Variants in PPP1R37 observed in about 807,000 individuals in gnomAD.
The protein encoded by PPP1R37 is leucine rich repeat containing 68.
Under a neutral mutation model 61.0 loss-of-function variants are expected in PPP1R37, and 21 were observed. That is an observed-to-expected ratio of 0.34 (90% CI 0.24 to 0.50). PPP1R37 has a LOEUF of 0.50. PPP1R37 is among the 20% of genes least tolerant of loss of function. PPP1R37 has a pLI of 0.98. For missense variants in PPP1R37, 910 were observed against 952.7 expected (o/e 0.96, Z 0.59); for synonymous variants, 443 against 433.5 (o/e 1.02, Z -0.27).
rs79127930 is a variant in PPP1R37 at position 45,120,480 on chromosome 19, C to T, written c.203-18034C>T. Reference sequence around the variant, plus strand: ...CGTGGATGAACTCTGGGGAGCTAGCCGGTCCCTGCTGGTGGATATTGTGGT... The same window carrying T: ...CGTGGATGAACTCTGGGGAGCTAGCTGGTCCCTGCTGGTGGATATTGTGGT... On this transcript the variant is annotated intron_variant, in intron 1 of 12. Coordinates refer to ENST00000221462, the MANE Select transcript of PPP1R37 (RefSeq NM_019121.2). 5.8e-3 allele frequency among the ~76,000 whole-genome samples: 890 copies of T among 152,312 alleles called. 11 individuals carry two copies. The highest frequency in any genetic ancestry group is 0.02 in the African/African-American group (841 of 41,562).
intron 1 of PPP1R37, among the ~76,000 whole-genome samples, chr19:45,107,550 G>A (rs1301674800): frequency 6.6e-6 from 1 of 152,210 alleles, no homozygotes; most frequent in East Asian, 1.9e-4. Flanking sequence ...GCTGCAATGA[G>A]CTGTGGTCTT....
At chr19:45,142,565 C>A in intron 7 of PPP1R37, 107 bp downstream of exon 7, 1 of 1,173,200 alleles carries the variant, frequency 8.5e-7, no homozygotes, top group Non-Finnish European at 1.2e-6. Flanking sequence ...ACCACCCCAA[C>A]GCTGTCCTGC....
In PPP1R37 at chr19:45,121,045, A is replaced by G. The variant is rs10409138; in HGVS notation, c.203-17469A>G. Among the ~76,000 whole-genome samples the G allele has an allele frequency of 0.15, 22,627 of 152,152 alleles. 1,973 individuals carry two copies. Among genetic ancestry groups the G allele is most frequent in the African/African-American group, 0.22 (9,122 of 41,464 alleles). On this transcript the variant is annotated intron_variant, in intron 1 of 12. Transcript: ENST00000221462. The surrounding 1 kb of genome is among the most constrained non-coding windows in gnomAD (Gnocchi z 4.2). Reference sequence around the variant, plus strand: ...GAGATAATTTCTATTTCTCAGGGCCATTAGGAAGTGGAAACGAGATCGAGT... The same window carrying G: ...GAGATAATTTCTATTTCTCAGGGCCGTTAGGAAGTGGAAACGAGATCGAGT...
In PPP1R37 at chr19:45,095,688, A is replaced by G. The variant is rs552001115; in HGVS notation, c.202+2161A>G. 5.0e-4 allele frequency among the ~76,000 whole-genome samples: 75 copies of G among 151,416 alleles called. 3 individuals carry two copies. In the South Asian group the frequency reaches 0.015, roughly 31 times the overall value. ...TGAAGTGGGAGGATCATTTGAGCCCAGGAGGTCGATAGTGCAGTGAACTGT... is the reference window on the plus strand; with the variant it reads ...TGAAGTGGGAGGATCATTTGAGCCCGGGAGGTCGATAGTGCAGTGAACTGT... On this transcript the variant is annotated intron_variant, in intron 1 of 12. Transcript: ENST00000221462.
At chr19:45,134,292 T>C (rs569461380) in intron 1 of PPP1R37, among the ~76,000 whole-genome samples, 1 of 152,238 alleles carries the variant, frequency 6.6e-6, no homozygotes, top group East Asian at 1.9e-4. Context: ...GCGTGAGCCA[T>C]GTGCCCAGTC....
At chr19:45,146,271 C>A in intron 11 of PPP1R37, 119 bp from the exon 12 acceptor site, 1 of 1,000,166 alleles carries the variant, frequency 1.0e-6, no homozygotes, top group Non-Finnish European at 1.5e-6. Context: ...TTGAGCCTGA[C>A]CATCTCAGCG....
In PPP1R37 at chr19:45,098,202, C is replaced by A. The variant is rs1260942890; in HGVS notation, c.202+4675C>A. Among the ~76,000 whole-genome samples the A allele has an allele frequency of 8.0e-5, 12 of 149,400 alleles. 1 individual carries two copies. Among genetic ancestry groups the A allele is most frequent in the Admixed American group, 7.3e-4 (11 of 15,168 alleles). On this transcript the variant is annotated intron_variant, in intron 1 of 12. Transcript: ENST00000221462. ...CGCTTCAGCACTGCCAGGCTGGGCA[C>A]GTGGGTGCCCGTGGGGAGCGAGCTA... is the stretch of plus-strand genomic sequence containing the variant.
chr19:45,128,023 C>T (rs1968430655), intron 1 of PPP1R37, among the ~76,000 whole-genome samples: 1 of 151,364 alleles, frequency 6.6e-6, no homozygotes, highest in Non-Finnish European at 1.5e-5. Context: ...ATGCTAATTA[C>T]CCTGACTCAA....
intron 1 of PPP1R37, chr19:45,128,596 G>C: frequency 7.9e-7 from 1 of 1,263,206 alleles, no homozygotes; most frequent in Non-Finnish European, 1.1e-6. Flanking sequence ...TTCGAGACAA[G>C]AGATGCAGGG....
chr19:45,104,025 C>CCTT (rs1398600606), intron 1 of PPP1R37, among the ~76,000 whole-genome samples: 1 of 152,100 alleles, frequency 6.6e-6, no homozygotes, highest in Admixed American at 6.5e-5. Flanking sequence ...CCTAGCACGC[C>CCTT]CCTCGCTAGT....
intron 1 of PPP1R37, among the ~76,000 whole-genome samples, chr19:45,126,012 G>A (rs543037229): frequency 1.2e-4 from 18 of 152,340 alleles, no homozygotes; most frequent in African/African-American, 3.6e-4. Context: ...GCTCCTTCCC[G>A]AGGGTGTGCA....
intron 4 of PPP1R37, 170 bp downstream of exon 4, chr19:45,140,776 A>G (rs1422511777): frequency 1.7e-6 from 1 of 604,962 alleles, no homozygotes; most frequent in Non-Finnish European, 2.9e-6. Context: ...ATATGACCAG[A>G]GTGGATGTGG....
At chr19:45,094,325 C>T (rs1967964103) in intron 1 of PPP1R37, among the ~76,000 whole-genome samples, 2 of 152,190 alleles carry the variant, frequency 1.3e-5, no homozygotes, top group South Asian at 2.1e-4. Context: ...CTACCGCCGC[C>T]TCCTCCTCCA....
At chr19:45,107,317 G>A (rs1599692118) in intron 1 of PPP1R37, among the ~76,000 whole-genome samples, 1 of 151,986 alleles carries the variant, frequency 6.6e-6, no homozygotes, top group East Asian at 1.9e-4. Flanking sequence ...TAAAAAAAAG[G>A]GGAGCCAGGC....
At chr19:45,140,004 C>G (rs748844384) in intron 2 of PPP1R37, among the ~76,000 whole-genome samples, 1 of 152,172 alleles carries the variant, frequency 6.6e-6, no homozygotes, top group Non-Finnish European at 1.5e-5. Flanking sequence ...CCCAGGCCTG[C>G]CTGGCTGCAG....
chr19:45,113,799 A>AG (rs1968231075), intron 1 of PPP1R37, among the ~76,000 whole-genome samples: 1 of 152,166 alleles, frequency 6.6e-6, no homozygotes, highest in African/African-American at 2.4e-5. Context: ...ATTTATCCCC[A>AG]GGTCTTCACT....
Position 45,145,709 on chromosome 19 carries a change from A to G in PPP1R37, c.1653A>G (p.Thr551=), listed in dbSNP as rs1360425853. The G allele has an allele frequency of 1.2e-5, 19 of 1,533,168 alleles. No individual in the cohort carries two copies. The highest frequency in any genetic ancestry group is 7.4e-5 in the East Asian group (3 of 40,774). The allele number at this position is 1,533,168 out of a possible 1,614,324, so 95.0% of individuals were successfully genotyped here. ...GDRSPPGSPS[T]PTEQRISVSS... ...GGAGTCCCCCAGGCAGCCCCTCCAC[A>G]CCCACCGAGCAGCGGATTTCCGTGT... The change falls in exon 11 of 13, where the codon ACA becomes ACG. Residue 551 remains threonine, a synonymous_variant. Transcript: ENST00000221462.
At chr19:45,122,211 G>T (rs1163670275) in intron 1 of PPP1R37, among the ~76,000 whole-genome samples, 2 of 152,154 alleles carry the variant, frequency 1.3e-5, no homozygotes, top group African/African-American at 4.8e-5. Flanking sequence ...GGCTGGCTCT[G>T]GGCTGAGCAC....
chr19:45,145,877 C>T lies in PPP1R37; in HGVS notation c.1821C>T (p.Ala607=), dbSNP rs779404720. ...SPPASPSLPP[A]GAIDTRDTGS... ...CCGCCTCACCTTCCCTACCACCAGCCGGGGCCATTGACACCCGGGACACAG... is the reference window on the plus strand; with the variant it reads ...CCGCCTCACCTTCCCTACCACCAGCTGGGGCCATTGACACCCGGGACACAG... Residue 607 remains alanine, a synonymous_variant, in exon 11 of 13, where the codon GCC becomes GCT. Coordinates refer to ENST00000221462, the MANE Select transcript of PPP1R37 (RefSeq NM_019121.2). The T allele has an allele frequency of 3.1e-5, 48 of 1,532,468 alleles. No individual in the cohort carries two copies. The highest frequency in any genetic ancestry group is 4.9e-5 in the East Asian group (2 of 40,824). 94.9% of individuals were successfully genotyped at this position (1,532,468 alleles called of 1,614,324 possible).
Sources: gnomAD v4.1 joint callset for allele counts (sites outside exome capture counted in the v4.1 genomes callset) on GRCh38, gnomAD v4.1.1 for gene constraint, Gnocchi (gnomAD v3.1) non-coding constraint, MANE v1.5 for transcripts, NCBI Gene and HGNC (gene_info 2026-07-23, HGNC 2026-07-21) for gene names.